The following IL22RA2 variants were observed in gnomAD, a reference collection of about 807,000 sequenced individuals.
IL22RA2 encodes the protein interleukin-22 receptor subunit alpha-2.
IL22RA2 carries 39 observed loss-of-function variants against 30.7 expected under a neutral mutation model. The observed-to-expected ratio is 1.27, with a 90% CI of 0.98 to 1.66. The LOEUF is 1.66. IL22RA2 is among the 40% of genes most tolerant of loss of function. The pLI, the probability that IL22RA2 is intolerant of heterozygous loss-of-function variation, is 0.00. For missense variants in IL22RA2, 315 were observed against 312.7 expected (o/e 1.01, Z -0.05); for synonymous variants, 103 against 105.0 (o/e 0.98, Z 0.11).
chr6:137,172,228 C>T (rs148767384), intron 1 of IL22RA2, among the ~76,000 whole-genome samples: 55 of 152,282 alleles, frequency 3.6e-4, no homozygotes, highest in African/African-American at 1.3e-3. Flanking sequence ...ATGATGAGAG[C>T]AGCAGAGAAC....
At chr6:137,165,114 G>A (rs1778602761) in intron 1 of IL22RA2, among the ~76,000 whole-genome samples, 1 of 152,174 alleles carries the variant, frequency 6.6e-6, no homozygotes, top group Non-Finnish European at 1.5e-5. Context: ...CCCAGGCTGG[G>A]ACCCTAACCA....
chr6:137,160,015 C>T (rs972925394), intron 2 of IL22RA2, among the ~76,000 whole-genome samples: 2 of 152,204 alleles, frequency 1.3e-5, no homozygotes, highest in Non-Finnish European at 2.9e-5. Flanking sequence ...TTTGGACCAC[C>T]ATCAGTGCAT....
chr6:137,164,652 C>T (rs562181324), intron 1 of IL22RA2, among the ~76,000 whole-genome samples: 35 of 152,292 alleles, frequency 2.3e-4, no homozygotes, highest in South Asian at 8.3e-4. Flanking sequence ...GGCAACACCA[C>T]GCAGAGAGGA....
At position 137,144,725 on chromosome 6, in the gene IL22RA2, G is replaced by T. The variant is rs781740512; in HGVS notation, c.*899C>A. 1.3e-5 allele frequency: 2 copies of T among 152,122 alleles called. No individual in the cohort carries two copies. The highest frequency in any genetic ancestry group is 4.8e-5 in the African/African-American group (2 of 41,414). The allele number at this position is 152,122 out of a possible 1,614,324, so 9.4% of individuals were successfully genotyped here. A position where few individuals can be genotyped will look rare whatever the true frequency, so the allele number is the denominator to read the frequency against. Reference sequence around the variant, plus strand: ...CAGTTCCCAATAAACCATCATTCATGGGATCCTCCTATATAGAGATGAGGA... The same window carrying T: ...CAGTTCCCAATAAACCATCATTCATTGGATCCTCCTATATAGAGATGAGGA... On this transcript the variant is annotated 3_prime_UTR_variant, in exon 7 of 7. Transcript: ENST00000296980.
At chr6:137,147,451 G>A (rs1168008247) in intron 6 of IL22RA2, among the ~76,000 whole-genome samples, 1 of 151,906 alleles carries the variant, frequency 6.6e-6, no homozygotes, top group Non-Finnish European at 1.5e-5. Flanking sequence ...ATTTGTGGCA[G>A]TCACATGCAA....
intron 1 of IL22RA2, among the ~76,000 whole-genome samples, chr6:137,165,491 C>T (rs1446462544): frequency 6.6e-6 from 1 of 152,156 alleles, no homozygotes; most frequent in Non-Finnish European, 1.5e-5. Context: ...AAGGAAAAGG[C>T]AGACTTGCTG....
In IL22RA2 at chr6:137,154,751, A is replaced by G. The variant is rs186964696; in HGVS notation, c.472+190T>C. 4.6e-5 allele frequency among the ~76,000 whole-genome samples: 7 copies of G among 152,362 alleles called. No homozygotes were observed. In the East Asian group the frequency reaches 1.2e-3, roughly 25 times the overall value. On this transcript the variant is annotated intron_variant, in intron 5 of 6. Coordinates refer to ENST00000296980, the MANE Select transcript of IL22RA2 (RefSeq NM_052962.3). ...GATTGGAGCAATGACTAAAGCCTCT[A>G]CATCTTGATGTTCTGGACTAGAAAA...
intron 5 of IL22RA2, among the ~76,000 whole-genome samples, chr6:137,154,337 G>A (rs1778352777): frequency 6.6e-6 from 1 of 152,114 alleles, no homozygotes; most frequent in African/African-American, 2.4e-5. Flanking sequence ...TTTAGGGGCT[G>A]GGCATGGTGG....
intron 5 of IL22RA2, among the ~76,000 whole-genome samples, chr6:137,149,483 T>A (rs1364963410): frequency 6.6e-6 from 1 of 152,226 alleles, no homozygotes; most frequent in East Asian, 1.9e-4. Flanking sequence ...ATCTTTGACA[T>A]GTCCTCTTCA....
chr6:137,167,111 C>T (rs2114394929), intron 1 of IL22RA2, among the ~76,000 whole-genome samples: 1 of 152,330 alleles, frequency 6.6e-6, no homozygotes, highest in East Asian at 1.9e-4. Context: ...TCGACTGCCT[C>T]TAACTTTAGG....
At chr6:137,155,381 C>G (rs1778382478) in intron 4 of IL22RA2, among the ~76,000 whole-genome samples, 1 of 151,914 alleles carries the variant, frequency 6.6e-6, no homozygotes, top group South Asian at 2.1e-4. Flanking sequence ...GCTAGGAAGT[C>G]TAATGTCTAA....
At chr6:137,157,262 G>A (rs1355253939) in intron 3 of IL22RA2, among the ~76,000 whole-genome samples, 1 of 152,046 alleles carries the variant, frequency 6.6e-6, no homozygotes, top group Non-Finnish European at 1.5e-5. Context: ...ACCACAAATA[G>A]GTCCACTTTT....
At chr6:137,163,466 C>T (rs1042721826) in intron 1 of IL22RA2, among the ~76,000 whole-genome samples, 3 of 152,176 alleles carry the variant, frequency 2.0e-5, no homozygotes, top group African/African-American at 7.2e-5. Context: ...TCCTTGGTGC[C>T]ACCGGGAGAG....
intron 5 of IL22RA2, among the ~76,000 whole-genome samples, chr6:137,152,115 A>AGGTGGAAGGATTG (rs1433732973): frequency 6.6e-6 from 1 of 152,068 alleles, no homozygotes; most frequent in East Asian, 1.9e-4. Context: ...TGGGAGGCTG[A>AGGTGGAAGGATTG]GGTGGAAGGA....
In IL22RA2 at chr6:137,145,717, T is replaced by G. The variant is rs553970538; in HGVS notation, c.699A>C (p.Pro233=). ...HRAVEIEALT[P]HSSYCVVAEI... ...CAGCCACTACACAGTAGCTGGAGTG[T>G]GGTGTTAGAGCTTCAATTTCAACCG... The change falls in exon 7 of 7, where the codon CCA becomes CCC. Residue 233 remains proline (P), a synonymous_variant. Coordinates refer to ENST00000296980, the MANE Select transcript of IL22RA2 (RefSeq NM_052962.3). 5 of 1,613,894 alleles carry G rather than the reference T, an allele frequency of 3.1e-6. No homozygotes were observed. The South Asian group carries it at 5.5e-5, about 18-fold the overall frequency.
chr6:137,154,646 A>ACAC, intron 5 of IL22RA2, among the ~76,000 whole-genome samples: 1 of 139,344 alleles, frequency 7.2e-6, no homozygotes, highest in African/African-American at 2.7e-5. Context: ...CACACACACA[A>ACAC]GGTGACAAAT....
intron 1 of IL22RA2, among the ~76,000 whole-genome samples, chr6:137,162,029 A>G (rs1195290010): frequency 1.3e-5 from 2 of 152,202 alleles, no homozygotes; most frequent in Non-Finnish European, 2.9e-5. Flanking sequence ...TTAGCTGCAG[A>G]AAGGTAAAAC....
Position 137,156,800 on chromosome 6 carries a change from C to T in IL22RA2, c.252G>A (p.Gln84=), listed in dbSNP as rs774453283. ...SSHQKPSGCW[Q]HISCNFPGCR... ...AGCCTGGGAAGTTACAAGAAATGTG[C>T]TGCCAGCATCCACTTGGCTTCTGGT... The change falls in exon 4 of 7, where the codon CAG becomes CAA. Residue 84 remains glutamine, a synonymous_variant. Transcript: ENST00000296980. 9 of 1,613,750 alleles carry T rather than the reference C, an allele frequency of 5.6e-6. No individual in the cohort carries two copies. The highest frequency in any genetic ancestry group is 1.3e-5 in the African/African-American group (1 of 74,920).
intron 1 of IL22RA2, among the ~76,000 whole-genome samples, chr6:137,169,175 G>A (rs1778684084): frequency 6.6e-6 from 1 of 152,236 alleles, no homozygotes; most frequent in Non-Finnish European, 1.5e-5. Flanking sequence ...GTTGGGGCAA[G>A]TCCTTTCAGA....
Sources: gnomAD v4.1 joint callset for allele counts (sites outside exome capture counted in the v4.1 genomes callset) on GRCh38, gnomAD v4.1.1 for gene constraint, MANE v1.5 for transcripts, NCBI Gene and HGNC (gene_info 2026-07-23, HGNC 2026-07-21) for gene names.